ARFGEF3: variants seen among roughly 807,000 people sequenced by gnomAD.
ARFGEF3 encodes the protein brefeldin A-inhibited guanine nucleotide-exchange protein 3.
A neutral mutation model predicts 221.7 loss-of-function variants in ARFGEF3; 96 were observed. The ratio of observed to expected loss-of-function variants is 0.43; its 90% CI spans 0.37 to 0.51. The LOEUF is 0.51. Ranked by LOEUF, ARFGEF3 falls within the 20% of genes least tolerant of loss-of-function variation. The pLI, the probability that ARFGEF3 is intolerant of heterozygous loss-of-function variation, is 0.00. For synonymous variants in ARFGEF3, 1,145 were observed against 1,126.8 expected (o/e 1.02, Z -0.32); for missense variants, 2,410 against 2,789.9 (o/e 0.86, Z 3.07).
intron 28 of ARFGEF3, among the ~76,000 whole-genome samples, chr6:138,320,329 T>C (rs1171109673): frequency 1.3e-5 from 2 of 152,174 alleles, no homozygotes; most frequent in Admixed American, 1.3e-4. Context: ...GGGCAAGAAG[T>C]AGCTTAACAG....
chr6:138,306,361 C>G (rs531900178), intron 22 of ARFGEF3, among the ~76,000 whole-genome samples: 1 of 152,076 alleles, frequency 6.6e-6, no homozygotes, highest in Admixed American at 6.6e-5. Context: ...TTGAAAGACT[C>G]AATATTTTTA....
chr6:138,299,451 A>C (rs538392979), intron 22 of ARFGEF3, among the ~76,000 whole-genome samples: 1 of 152,280 alleles, frequency 6.6e-6, no homozygotes, highest in East Asian at 1.9e-4. Flanking sequence ...AGGCAAGGTA[A>C]AGAAACTAAC....
chr6:138,203,469 A>T (rs1777572467), intron 2 of ARFGEF3, among the ~76,000 whole-genome samples: 1 of 152,222 alleles, frequency 6.6e-6, no homozygotes, highest in Admixed American at 6.5e-5. Flanking sequence ...TAATGAAAGC[A>T]GGTGCCTGTT....
chr6:138,326,193 C>T (rs1164153450), intron 31 of ARFGEF3, among the ~76,000 whole-genome samples: 5 of 152,100 alleles, frequency 3.3e-5, no homozygotes, highest in African/African-American at 1.2e-4. Context: ...ATTTCTTCCT[C>T]AATCCCAAAT....
At chr6:138,178,775 C>A (rs908401663) in intron 2 of ARFGEF3, among the ~76,000 whole-genome samples, 2 of 152,214 alleles carry the variant, frequency 1.3e-5, no homozygotes, top group African/African-American at 4.8e-5. Context: ...TTGAAAGAAT[C>A]TGTGCCAAAA....
chr6:138,311,499 C>T lies in ARFGEF3; in HGVS notation c.4189C>T (p.Arg1397Cys), dbSNP rs532125292. Reference sequence around the variant, plus strand: ...CCTCCCGGCCCTGGATTACCTCAGGCGCTGCTCTCAGGTAGGGGAATGGTC... The same window carrying T: ...CCTCCCGGCCCTGGATTACCTCAGGTGCTGCTCTCAGGTAGGGGAATGGTC... ...LCLPALDYLR[R>C]CSQLLAKIYK... is the part of the protein sequence containing the mutation. Residue 1397 changes from arginine (R) to cysteine (C), a missense_variant, in exon 25 of 34, where the codon CGC becomes TGC. Coordinates refer to ENST00000251691, the MANE Select transcript of ARFGEF3 (RefSeq NM_020340.5). 90 of 1,592,578 alleles carry T rather than the reference C, an allele frequency of 5.7e-5. No homozygotes were observed. The highest frequency in any genetic ancestry group is 7.0e-5 in the Admixed American group (4 of 57,202).
At chr6:138,174,588 T>C (rs954250766) in intron 2 of ARFGEF3, among the ~76,000 whole-genome samples, 7 of 151,080 alleles carry the variant, frequency 4.6e-5, no homozygotes, top group African/African-American at 1.7e-4. Context: ...TTACATTTAA[T>C]ATATGGGAAA....
rs9376338 is a variant in ARFGEF3, at chr6:138,262,722, A to G, written c.1239A>G (p.Glu413=). The G allele has an allele frequency of 1.1e-4, 170 of 1,604,924 alleles. No homozygotes were observed. Among genetic ancestry groups the G allele is most frequent in the Non-Finnish European group, 1.4e-4 (161 of 1,172,518 alleles). The change falls in exon 12 of 34, where the codon GAA becomes GAG. Residue 413 remains glutamate, a synonymous_variant. Coordinates refer to ENST00000251691, the MANE Select transcript of ARFGEF3 (RefSeq NM_020340.5). ...LLKLIMDGMT[E]ACIKGGIEAC... is the part of the protein sequence containing the mutation. ...TTAGCATCATGGATGGCATGACCGA[A>G]GCATGCATCAAGGGTGGCATCGAAG...
At chr6:138,288,717 G>A (rs1483568329) in intron 17 of ARFGEF3, among the ~76,000 whole-genome samples, 1 of 152,138 alleles carries the variant, frequency 6.6e-6, no homozygotes, top group Non-Finnish European at 1.5e-5. Flanking sequence ...TCACATTTAT[G>A]AGACAAATGA....
chr6:138,277,992 G>A (rs778973704), intron 12 of ARFGEF3, among the ~76,000 whole-genome samples: 3 of 152,200 alleles, frequency 2.0e-5, no homozygotes, highest in Non-Finnish European at 4.4e-5. Context: ...AAATGCAAAG[G>A]CCCTGCGGCA....
At chr6:138,332,453 G>A (rs1780244694) in intron 32 of ARFGEF3, among the ~76,000 whole-genome samples, 1 of 152,092 alleles carries the variant, frequency 6.6e-6, no homozygotes, top group South Asian at 2.1e-4. Flanking sequence ...TAGCTATCAG[G>A]GGGACAGACT....
chr6:138,285,157 A>G (rs1487933876), intron 14 of ARFGEF3, among the ~76,000 whole-genome samples: 4 of 152,230 alleles, frequency 2.6e-5, no homozygotes, highest in Admixed American at 2.6e-4. Flanking sequence ...TTGTGAAAAC[A>G]CTTTGAAAAT....
chr6:138,255,230 A>G (rs1157423408), intron 9 of ARFGEF3, among the ~76,000 whole-genome samples: 2 of 152,160 alleles, frequency 1.3e-5, no homozygotes, highest in Non-Finnish European at 2.9e-5. Context: ...ATTTTATTTC[A>G]TTCATGCTAG....
intron 10 of ARFGEF3, among the ~76,000 whole-genome samples, chr6:138,256,607 A>C (rs369057369): frequency 5.3e-5 from 8 of 152,190 alleles, no homozygotes; most frequent in Admixed American, 2.6e-4. Flanking sequence ...AGTATTGGAA[A>C]GTTCTGACCC....
intron 26 of ARFGEF3, among the ~76,000 whole-genome samples, chr6:138,314,662 C>T (rs527820851): frequency 7.9e-5 from 12 of 152,238 alleles, no homozygotes; most frequent in African/African-American, 2.4e-4. Flanking sequence ...ATAGGATAGA[C>T]ATTCACGTTC....
In ARFGEF3 at chr6:138,163,258, T is replaced by C. The variant is rs146411177; in HGVS notation, c.85+1087T>C. 5.3e-3 allele frequency among the ~76,000 whole-genome samples: 811 copies of C among 152,344 alleles called. 1 individual carries two copies. Among genetic ancestry groups the C allele is most frequent in the African/African-American group, 0.018 (751 of 41,576 alleles). On this transcript the variant is annotated intron_variant, in intron 1 of 33. Transcript: ENST00000251691. ...AGGTAATTATAGCAGCATCTTTTTT[T>C]AAACCTGTGCCTATCATCACAAAAT...
chr6:138,227,721 C>T (rs143992959), intron 4 of ARFGEF3, among the ~76,000 whole-genome samples: 1 of 152,216 alleles, frequency 6.6e-6, no homozygotes, highest in East Asian at 1.9e-4. Flanking sequence ...TTCACAGGCT[C>T]CACGGATGGT....
At chr6:138,259,590 A>G (rs1778749427) in intron 10 of ARFGEF3, among the ~76,000 whole-genome samples, 1 of 152,180 alleles carries the variant, frequency 6.6e-6, no homozygotes, top group Non-Finnish European at 1.5e-5. Flanking sequence ...AACCTTACCA[A>G]TCCATCCCTT....
chr6:138,248,913 T>C (rs1778533540), intron 8 of ARFGEF3, among the ~76,000 whole-genome samples: 2 of 152,204 alleles, frequency 1.3e-5, no homozygotes, highest in Admixed American at 1.3e-4. Context: ...GCTTAAAACA[T>C]ACCATTGTTC....
Sources: allele counts gnomAD v4.1 joint callset (sites outside exome capture counted in the v4.1 genomes callset), GRCh38; gene constraint gnomAD v4.1.1; transcripts MANE v1.5; gene names NCBI Gene and HGNC (gene_info 2026-07-23, HGNC 2026-07-21).